The following INSYN2B variants were observed in gnomAD, a reference collection of about 807,000 sequenced individuals.
The protein encoded by INSYN2B is inhibitory synaptic factor family member 2B, also known as protein INSYN2B.
A neutral mutation model predicts 41.2 loss-of-function variants in INSYN2B; 16 were observed. That is an observed-to-expected ratio of 0.39 (90% CI 0.26 to 0.59). The LOEUF (loss-of-function observed/expected upper bound fraction) is 0.59, where lower values mean the gene tolerates loss of function less well. Among genes scored for constraint, INSYN2B ranks in the 20% least tolerant of loss-of-function variants. INSYN2B has a pLI of 0.57. For missense variants in INSYN2B, 608 were observed against 646.4 expected (o/e 0.94, Z 0.64); for synonymous variants, 245 against 244.4 (o/e 1.00, Z -0.02).
At position 169,960,803 on chromosome 5, in the gene INSYN2B, T is replaced by A. The variant is rs371521518; in HGVS notation, c.-919+19474A>T. Among the ~76,000 whole-genome samples the A allele has an allele frequency of 1.8e-3, 280 of 152,354 alleles. 6 individuals carry two copies. In the South Asian group the frequency reaches 0.049, roughly 26 times the overall value. ...ATAATTCATAAGTTTTAAATTGTGTTCTGTTCTGAGTCATGTGATGAAATC... is the reference window on the plus strand; with the variant it reads ...ATAATTCATAAGTTTTAAATTGTGTACTGTTCTGAGTCATGTGATGAAATC... On this transcript the variant is annotated intron_variant, in intron 1 of 3. Coordinates refer to ENST00000377365, the MANE Select transcript of INSYN2B (RefSeq NM_001129891.3).
chr5:169,916,150 G>A (rs1340022674), intron 1 of INSYN2B, among the ~76,000 whole-genome samples: 2 of 152,154 alleles, frequency 1.3e-5, no homozygotes. Context: ...TTACTCTACC[G>A]GGCAGAAGCA....
intron 1 of INSYN2B, among the ~76,000 whole-genome samples, chr5:169,956,552 A>T (rs1407103379): frequency 6.6e-6 from 1 of 152,244 alleles, no homozygotes; most frequent in African/African-American, 2.4e-5. Context: ...GAAAGGTATC[A>T]TCTACCTTTT....
chr5:169,925,821 TG>T (rs1775419388), intron 1 of INSYN2B, among the ~76,000 whole-genome samples: 1 of 152,164 alleles, frequency 6.6e-6, no homozygotes, highest in South Asian at 2.1e-4. Flanking sequence ...TATCTATTGC[TG>T]CTATTATCAC....
intron 1 of INSYN2B, among the ~76,000 whole-genome samples, chr5:169,954,134 A>G (rs1776772937): frequency 6.6e-6 from 1 of 152,182 alleles, no homozygotes; most frequent in Non-Finnish European, 1.5e-5. Context: ...TTTCACATTA[A>G]TTATTATTGT....
At chr5:169,978,945 G>C (rs1777837365) in intron 1 of INSYN2B, among the ~76,000 whole-genome samples, 1 of 152,180 alleles carries the variant, frequency 6.6e-6, no homozygotes, top group East Asian at 1.9e-4. Context: ...TTGTGCCAGA[G>C]TCTCAGATAC....
chr5:169,868,975 C>A (rs1200984033), intron 3 of INSYN2B, among the ~76,000 whole-genome samples: 2 of 152,126 alleles, frequency 1.3e-5, no homozygotes, highest in Non-Finnish European at 2.9e-5. Flanking sequence ...TGACCCTGGG[C>A]AAGTTTCTTC....
chr5:169,909,047 G>A (rs1245658796), intron 1 of INSYN2B, among the ~76,000 whole-genome samples: 2 of 152,320 alleles, frequency 1.3e-5, no homozygotes, highest in African/African-American at 2.4e-5. Context: ...GAATGTGAGC[G>A]AGGCTGAGCC....
chr5:169,863,567 C>T lies in INSYN2B; in HGVS notation c.*706G>A, dbSNP rs1329360264. Among the ~76,000 whole-genome samples, 1 of 152,208 alleles carries T rather than the reference C, an allele frequency of 6.6e-6. No homozygotes were observed. The highest frequency in any genetic ancestry group is 1.5e-5 in the Non-Finnish European group (1 of 68,040). On this transcript the variant is annotated 3_prime_UTR_variant, in exon 4 of 4. Coordinates refer to ENST00000377365, the MANE Select transcript of INSYN2B (RefSeq NM_001129891.3). ...TGGAACAGCTACAGCTGCTGAAATC[C>T]TCTTTGAATTACACTTATCCAGCAC...
chr5:169,927,516 G>T (rs999728523), intron 1 of INSYN2B, among the ~76,000 whole-genome samples: 3 of 152,206 alleles, frequency 2.0e-5, no homozygotes, highest in Non-Finnish European at 2.9e-5. Context: ...TAATTAATTT[G>T]CAGGACTTAG....
intron 1 of INSYN2B, among the ~76,000 whole-genome samples, chr5:169,944,309 C>T (rs1385738230): frequency 6.6e-6 from 1 of 152,176 alleles, no homozygotes; most frequent in African/African-American, 2.4e-5. Flanking sequence ...GCAGTGTGGC[C>T]GGCACCTCAG....
intron 1 of INSYN2B, among the ~76,000 whole-genome samples, chr5:169,916,587 T>G (rs1340595603): frequency 6.6e-6 from 1 of 152,202 alleles, no homozygotes; most frequent in African/African-American, 2.4e-5. Flanking sequence ...AGTACCTCCT[T>G]CATAGGATGA....
At position 169,863,547 on chromosome 5, in the gene INSYN2B, C is replaced by G. The variant is rs935938386; in HGVS notation, c.*726G>C. ...TGATGGTTTAGGGTGGGCCCTGGAA[C>G]AGCTACAGCTGCTGAAATCCTCTTT... On this transcript the variant is annotated 3_prime_UTR_variant, in exon 4 of 4. Transcript: ENST00000377365. 2.6e-5 allele frequency among the ~76,000 whole-genome samples: 4 copies of G among 152,224 alleles called. No homozygotes were observed. Among genetic ancestry groups the G allele is most frequent in the African/African-American group, 9.6e-5 (4 of 41,462 alleles).
intron 1 of INSYN2B, among the ~76,000 whole-genome samples, chr5:169,904,954 C>T (rs1774189973): frequency 6.6e-6 from 1 of 152,166 alleles, no homozygotes; most frequent in Admixed American, 6.5e-5. Flanking sequence ...CCAGCTCTGC[C>T]ACTCCCTAGC....
At chr5:169,890,548 G>A (rs753384928) in intron 1 of INSYN2B, among the ~76,000 whole-genome samples, 14 of 151,962 alleles carry the variant, frequency 9.2e-5, no homozygotes, top group African/African-American at 2.2e-4. Flanking sequence ...ACCCCTTTCC[G>A]GCAGCTTTCT....
chr5:169,913,759 T>G (rs534652510), intron 1 of INSYN2B, among the ~76,000 whole-genome samples: 10 of 152,272 alleles, frequency 6.6e-5, no homozygotes, highest in Non-Finnish European at 1.5e-4. Context: ...AGTGATCTAA[T>G]TGGTCTAACC....
At chr5:169,925,822 G>A (rs7713753) in intron 1 of INSYN2B, among the ~76,000 whole-genome samples, 9,752 of 152,054 alleles carry the variant, frequency 0.064, 821 homozygotes, top group East Asian at 0.19. Context: ...ATCTATTGCT[G>A]CTATTATCAC....
intron 1 of INSYN2B, among the ~76,000 whole-genome samples, chr5:169,912,436 C>T (rs1774649692): frequency 6.6e-6 from 1 of 152,138 alleles, no homozygotes; most frequent in South Asian, 2.1e-4. Context: ...TAGTCTTAGC[C>T]ACACACAAAT....
At position 169,882,826 on chromosome 5, in the gene INSYN2B, G is replaced by A. The variant is rs778418053; in HGVS notation, c.1073C>T (p.Thr358Met). 3.3e-5 allele frequency: 51 copies of A among 1,550,684 alleles called. 1 individual carries two copies. The Middle Eastern group carries it at 1.2e-3, about 36-fold the overall frequency. Reference sequence around the variant, plus strand: ...GTCTGACTCGGTGGGGTTGTTTGCCGTCTGCTCCTGACACCCAGGGGCAGA... The same window carrying A: ...GTCTGACTCGGTGGGGTTGTTTGCCATCTGCTCCTGACACCCAGGGGCAGA... ...SKSAPGCQEQ[T>M]ANNPTESDTL... The change falls in exon 2 of 4, where the codon ACG (threonine) becomes ATG (methionine). Residue 358 changes from threonine to methionine, a missense_variant. Thr to Met is a moderately conservative substitution (Grantham distance 81). Transcript: ENST00000377365.
intron 1 of INSYN2B, among the ~76,000 whole-genome samples, chr5:169,971,445 T>C (rs1250073616): frequency 1.5e-5 from 2 of 131,832 alleles, no homozygotes; most frequent in South Asian, 2.7e-4. Flanking sequence ...TTTTTTTTTT[T>C]TCATGAAAGA....
Sources: allele counts gnomAD v4.1 joint callset (sites outside exome capture counted in the v4.1 genomes callset), GRCh38; gene constraint gnomAD v4.1.1; transcripts MANE v1.5; gene names NCBI Gene and HGNC (gene_info 2026-07-23, HGNC 2026-07-21).